The following TNRC18 variants were observed in gnomAD, a reference collection of about 807,000 sequenced individuals.
TNRC18 encodes the protein trinucleotide repeat-containing gene 18 protein.
Under a neutral mutation model 226.7 loss-of-function variants are expected in TNRC18, and 69 were observed. The observed-to-expected ratio is 0.30, with a 90% CI of 0.25 to 0.37. The LOEUF (loss-of-function observed/expected upper bound fraction) is 0.37. Ranked by LOEUF, TNRC18 falls within the 10% of genes least tolerant of loss-of-function variation. The pLI is 1.00. For synonymous variants in TNRC18, 2,449 were observed against 1,927.6 expected, an observed-to-expected ratio of 1.27 and a Z score of -7.09; for missense variants, 4,754 against 4,256.6, an observed-to-expected ratio of 1.12 and a Z score of -3.25.
chr7:5,400,640 A>G (rs1397867717), intron 2 of TNRC18, among the ~76,000 whole-genome samples: 2 of 152,182 alleles, frequency 1.3e-5, no homozygotes, highest in African/African-American at 4.8e-5. Flanking sequence ...TTTTGAAACC[A>G]TAGATAGCTG....
intron 19 of TNRC18, among the ~76,000 whole-genome samples, chr7:5,328,219 A>G (rs1432845602): frequency 6.6e-6 from 1 of 150,412 alleles, no homozygotes. Flanking sequence ...ACTCTGTCGC[A>G]AAAAACAAAA....
intron 2 of TNRC18, among the ~76,000 whole-genome samples, chr7:5,404,763 AGTGTGTGT>A (rs57464872): frequency 7.7e-4 from 113 of 147,232 alleles, no homozygotes; most frequent in African/African-American, 2.7e-3. Flanking sequence ...GCACACTTTC[AGTGTGTGT>A]GTGTGTGTGT....
chr7:5,339,778 C>G (rs1048059261), intron 18 of TNRC18, among the ~76,000 whole-genome samples: 7 of 151,842 alleles, frequency 4.6e-5, no homozygotes, highest in African/African-American at 1.7e-4. Context: ...TCGTGTTGGT[C>G]AGGCTGGTCT....
At chr7:5,398,841 C>A (rs1464563159) in intron 2 of TNRC18, among the ~76,000 whole-genome samples, 3 of 151,724 alleles carry the variant, frequency 2.0e-5, no homozygotes, top group African/African-American at 7.3e-5. Context: ...CCAGGCTGGT[C>A]TCAAACTCCT....
intron 27 of TNRC18, among the ~76,000 whole-genome samples, chr7:5,310,526 C>T (rs756489222): frequency 3.3e-5 from 5 of 152,094 alleles, no homozygotes; most frequent in Admixed American, 6.6e-5. Flanking sequence ...TGAGCCACTG[C>T]GCCCGGCTAA....
intron 5 of TNRC18, among the ~76,000 whole-genome samples, chr7:5,383,957 A>ATCT (rs1554294788): frequency 1.3e-5 from 1 of 78,794 alleles, no homozygotes; most frequent in African/African-American, 5.3e-5. Context: ...TACCCGGGTG[A>ATCT]TTTTTTTTTT....
intron 18 of TNRC18, among the ~76,000 whole-genome samples, chr7:5,338,384 A>G (rs573733043): frequency 6.6e-6 from 1 of 152,108 alleles, no homozygotes; most frequent in South Asian, 2.1e-4. Context: ...GCGTGGCTAT[A>G]CTAATAACAA....
intron 4 of TNRC18, 125 bp from the exon 5 acceptor site, chr7:5,389,461 G>GTTTTTTTGTTTTTTTTTTTGTTTATT: frequency 1.8e-6 from 1 of 564,674 alleles, no homozygotes; most frequent in Non-Finnish European, 2.3e-6. Context: ...TTTGGTTTTG[G>GTTTTTTTGTTTTTTTTTTTGTTTATT]TTTTTTTTTT....
chr7:5,392,878 G>A (rs1042985259), intron 3 of TNRC18, among the ~76,000 whole-genome samples: 3 of 152,066 alleles, frequency 2.0e-5, no homozygotes, highest in Non-Finnish European at 4.4e-5. Context: ...CGGGCGTGAT[G>A]GTGTGCACCT....
chr7:5,351,993 C>T lies in TNRC18; in HGVS notation c.5296G>A (p.Ala1766Thr). The T allele has an allele frequency of 4.3e-6, 7 of 1,613,990 alleles. No homozygotes were observed. Among genetic ancestry groups the T allele is most frequent in the Non-Finnish European group, 5.9e-6 (7 of 1,179,896 alleles). Residue 1766 changes from alanine to threonine, a missense_variant, in exon 17 of 30, where the codon GCA becomes ACA. Physicochemically the swap from Ala to Thr is moderately conservative, Grantham distance 58. Transcript: ENST00000430969. ...LTPSLLCSMV[A>T]KNSKAAGGPK... ...CCACCAGCTGCCTTGCTGTTCTTTGCCACCATGCTACACAGGAGGGAAGGC... is the reference window on the plus strand; with the variant it reads ...CCACCAGCTGCCTTGCTGTTCTTTGTCACCATGCTACACAGGAGGGAAGGC...
chr7:5,377,529 C>G lies in TNRC18; in HGVS notation c.2303G>C (p.Cys768Ser). ...ADLARLHPTS[C>S]APNGLNPNLM... ...GTTGGGGTTCAGGCCGTTAGGAGCA[C>G]AGCTGGTAGGGTGCAGGCGGGCCAG... The change falls in exon 7 of 30, where the codon TGT (cysteine) becomes TCT (serine). Residue 768 changes from cysteine to serine, a missense_variant. Coordinates refer to ENST00000430969, the MANE Select transcript of TNRC18 (RefSeq NM_001080495.3). The surrounding 1 kb of genome is among the most constrained non-coding windows in gnomAD (Gnocchi z 5.8). The G allele has an allele frequency of 6.3e-7, 1 of 1,591,204 alleles. No homozygotes were observed. Among genetic ancestry groups the G allele is most frequent in the East Asian group, 2.3e-5 (1 of 43,810 alleles).
chr7:5,371,090 G>A lies in TNRC18; in HGVS notation c.3504C>T (p.Gly1168=). The A allele has an allele frequency of 1.2e-6, 2 of 1,611,978 alleles. No homozygotes were observed. The highest frequency in any genetic ancestry group is 2.2e-5 in the South Asian group (2 of 91,064). The change falls in exon 11 of 30, where the codon GGC becomes GGT. Residue 1168 remains glycine, a synonymous_variant. Coordinates refer to ENST00000430969, the MANE Select transcript of TNRC18 (RefSeq NM_001080495.3). ...VKAEVEDMDE[G]PTELPPLESP... is the part of the protein sequence containing the mutation. ...ACTCCAGAGGCGGCAGCTCTGTGGG[G>A]CCCTCGTCCATGTCCTCCACCTCTG...
intron 14 of TNRC18, 113 bp from the exon 15 acceptor site, chr7:5,359,682 A>G (rs1792828702): frequency 8.4e-7 from 1 of 1,196,162 alleles, no homozygotes; most frequent in Non-Finnish European, 1.2e-6. Flanking sequence ...GTGGACAGTG[A>G]TGGCAGAGTG....
chr7:5,335,301 C>CAAAAAAAA (rs1167746227), intron 18 of TNRC18, among the ~76,000 whole-genome samples: 7 of 58,532 alleles, frequency 1.2e-4, no homozygotes, highest in African/African-American at 2.7e-4. Flanking sequence ...GAATCTGTCT[C>CAAAAAAAA]AAAAAAAAAA....
rs1787005947 is a variant in TNRC18, at chr7:5,309,932, A to G, written c.8389-564T>C. On this transcript the variant is annotated intron_variant, in intron 27 of 29. Transcript: ENST00000430969. This position sits in a 1 kb window ranked among gnomAD's most constrained non-coding sequence, Gnocchi z 5.7. ...TTCTTTTGAAAATTACTTTTTTCAG[A>G]GAAAGGGTCTTGCTCTGTCACCCAG... is the stretch of plus-strand genomic sequence containing the variant. Among the ~76,000 whole-genome samples the G allele has an allele frequency of 6.6e-6, 1 of 152,060 alleles. No homozygotes were observed. The highest frequency in any genetic ancestry group is 2.1e-4 in the South Asian group (1 of 4,818).
chr7:5,372,134 C>A (rs1008293108), intron 10 of TNRC18, among the ~76,000 whole-genome samples: 2 of 151,646 alleles, frequency 1.3e-5, no homozygotes, highest in Non-Finnish European at 2.9e-5. Flanking sequence ...GTGGCGCGAT[C>A]GCGGCTCACT....
At chr7:5,323,645 G>A (rs965889327) in intron 21 of TNRC18, among the ~76,000 whole-genome samples, 8 of 146,682 alleles carry the variant, frequency 5.5e-5, no homozygotes, top group Admixed American at 2.8e-4. Flanking sequence ...TTGGCTCACC[G>A]CAACCTCCGC....
At position 5,343,696 on chromosome 7, in the gene TNRC18, G is replaced by C. The variant is rs192018984; in HGVS notation, c.5719+1866C>G. The stretch of plus-strand genomic sequence containing the variant: ...CCTGCCTTGGCCTCCCAAAGTGCCG[G>C]GATTGTAGGTGTGAGCCACCGTGCA... On this transcript the variant is annotated intron_variant, in intron 18 of 29. Transcript: ENST00000430969. Among the ~76,000 whole-genome samples the C allele has an allele frequency of 9.3e-3, 1,416 of 152,234 alleles. 7 individuals carry two copies. The highest frequency in any genetic ancestry group is 0.015 in the Non-Finnish European group (1,044 of 68,030).
Position 5,351,868 on chromosome 7 carries a change from G to C in TNRC18, c.5421C>G (p.Ala1807=). The C allele has an allele frequency of 2.5e-6, 4 of 1,612,350 alleles. No homozygotes were observed. The highest frequency in any genetic ancestry group is 2.2e-5 in the East Asian group (1 of 44,856). Residue 1807 remains alanine, a synonymous_variant, in exon 17 of 30, where the codon GCC becomes GCG. Coordinates refer to ENST00000430969, the MANE Select transcript of TNRC18 (RefSeq NM_001080495.3). ...AGTCGCTGAAGGAGGAACGCGCCTCGGCCTCTCGAAGCAGCAGACAAAACG... is the reference window on the plus strand; with the variant it reads ...AGTCGCTGAAGGAGGAACGCGCCTCCGCCTCTCGAAGCAGCAGACAAAACG... ...KQPFCLLLRE[A]EARSSFSDSS...
Sources: gnomAD v4.1 joint callset for allele counts (sites outside exome capture counted in the v4.1 genomes callset) on GRCh38, gnomAD v4.1.1 for gene constraint, Gnocchi (gnomAD v3.1) non-coding constraint, MANE v1.5 for transcripts, NCBI Gene and HGNC (gene_info 2026-07-23, HGNC 2026-07-21) for gene names.